COBL: variants seen among roughly 807,000 people sequenced by gnomAD.
The protein encoded by COBL is protein cordon-bleu.
A neutral mutation model predicts 98.8 loss-of-function variants in COBL; 51 were observed. That is an observed-to-expected ratio of 0.52 (90% CI 0.41 to 0.65). The LOEUF (loss-of-function observed/expected upper bound fraction) is 0.65, where lower values mean the gene tolerates loss of function less well. Among genes scored for constraint, COBL ranks in the 30% least tolerant of loss-of-function variants. The probability of loss-of-function intolerance (pLI) is 0.00; values close to 1 mark genes in which losing one functional copy is unlikely to be tolerated. For synonymous variants in COBL, 634 were observed against 651.7 expected (o/e 0.97, Z 0.41); for missense variants, 1,617 against 1,617.5 (o/e 1.00, Z 0.01).
intron 1 of COBL, among the ~76,000 whole-genome samples, chr7:51,244,098 C>A (rs1049350244): frequency 1.3e-5 from 2 of 152,202 alleles, no homozygotes; most frequent in African/African-American, 2.4e-5. Flanking sequence ...CTCTCCAGCA[C>A]AGTTTTCTGC....
At chr7:51,137,954 T>C (rs901824242) in intron 5 of COBL, among the ~76,000 whole-genome samples, 1 of 152,218 alleles carries the variant, frequency 6.6e-6, no homozygotes, top group Non-Finnish European at 1.5e-5. Flanking sequence ...CCCAGTATTA[T>C]TTGTGCTCAG....
chr7:51,044,131 C>T lies in COBL; in HGVS notation c.1097-439G>A, dbSNP rs552211735. Among the ~76,000 whole-genome samples the T allele has an allele frequency of 7.2e-5, 11 of 152,326 alleles. No individual in the cohort carries two copies. In the South Asian group the frequency reaches 2.3e-3, roughly 32 times the overall value. On this transcript the variant is annotated intron_variant, in intron 7 of 12. Transcript: ENST00000265136. ...GCAGACATAAGTATCAGTTTGGACACATCTGACGTGTATTTCATATTTGAA... is the reference window on the plus strand; with the variant it reads ...GCAGACATAAGTATCAGTTTGGACATATCTGACGTGTATTTCATATTTGAA...
intron 1 of COBL, among the ~76,000 whole-genome samples, chr7:51,256,813 A>G (rs1437901171): frequency 1.3e-5 from 2 of 152,224 alleles, no homozygotes; most frequent in Non-Finnish European, 2.9e-5. Flanking sequence ...TTACTCAAAA[A>G]TATTTCCTGT....
intron 1 of COBL, among the ~76,000 whole-genome samples, chr7:51,255,598 A>G (rs890449144): frequency 3.9e-5 from 6 of 152,180 alleles, no homozygotes; most frequent in Non-Finnish European, 8.8e-5. Context: ...AAAGAAGGGG[A>G]CTGAGCATAC....
At chr7:51,088,676 T>C (rs1213374957) in intron 6 of COBL, among the ~76,000 whole-genome samples, 1 of 152,194 alleles carries the variant, frequency 6.6e-6, no homozygotes, top group African/African-American at 2.4e-5. Context: ...TTGTTTATAA[T>C]ATGTATGTTT....
chr7:51,285,096 G>A (rs1167861588), intron 1 of COBL, among the ~76,000 whole-genome samples: 2 of 151,890 alleles, frequency 1.3e-5, no homozygotes, highest in African/African-American at 4.8e-5. Flanking sequence ...ACAGGAGCGT[G>A]CCAGCACACC....
At chr7:51,305,878 C>A (rs1289319266) in intron 1 of COBL, among the ~76,000 whole-genome samples, 1 of 151,892 alleles carries the variant, frequency 6.6e-6, no homozygotes, top group East Asian at 1.9e-4. Flanking sequence ...TACTAAAATA[C>A]AAAAAAAATT....
At chr7:51,206,466 T>C (rs11238434) in intron 2 of COBL, among the ~76,000 whole-genome samples, 58,978 of 145,428 alleles carry the variant, frequency 0.41, 14,656 homozygotes, top group Non-Finnish European at 0.56. Context: ...TATTCCAGCC[T>C]GGTTGACAGA....
chr7:51,240,019 A>T (rs116535610), intron 1 of COBL, among the ~76,000 whole-genome samples: 2,099 of 152,328 alleles, frequency 0.014, 60 homozygotes, highest in African/African-American at 0.048. Flanking sequence ...TATGGACACA[A>T]TTTTGAATCT....
intron 2 of COBL, among the ~76,000 whole-genome samples, chr7:51,217,159 C>A (rs1337113077): frequency 1.3e-5 from 2 of 152,146 alleles, no homozygotes; most frequent in Non-Finnish European, 2.9e-5. Context: ...CACTACATTA[C>A]AAAACTTCAT....
intron 9 of COBL, 139 bp downstream of exon 9, chr7:51,030,673 C>CT: frequency 1.6e-6 from 1 of 638,236 alleles, no homozygotes; most frequent in East Asian, 2.7e-5. Flanking sequence ...CACATCCAGA[C>CT]TTTCACCAAA....
intron 1 of COBL, among the ~76,000 whole-genome samples, chr7:51,256,643 G>A (rs552836997): frequency 6.6e-5 from 10 of 152,340 alleles, no homozygotes; most frequent in African/African-American, 2.4e-4. Flanking sequence ...CAAGCGTCAC[G>A]TGGTTTCACA....
intron 1 of COBL, among the ~76,000 whole-genome samples, chr7:51,276,678 G>A (rs1799340167): frequency 6.6e-6 from 1 of 152,214 alleles, no homozygotes. Context: ...GAGCTGGGGT[G>A]GCTGGGAGCT....
chr7:51,125,772 T>C (rs908449487), intron 6 of COBL, among the ~76,000 whole-genome samples: 2 of 152,216 alleles, frequency 1.3e-5, no homozygotes, highest in Non-Finnish European at 2.9e-5. Flanking sequence ...GAAATTTTTT[T>C]TCTATAGTCA....
intron 1 of COBL, among the ~76,000 whole-genome samples, chr7:51,249,064 A>T (rs1796507534): frequency 6.6e-6 from 1 of 152,228 alleles, no homozygotes; most frequent in Admixed American, 6.5e-5. Flanking sequence ...CCAAGTCTGC[A>T]TATATACCTA....
chr7:51,298,132 C>T (rs1469441878), intron 1 of COBL, among the ~76,000 whole-genome samples: 1 of 152,180 alleles, frequency 6.6e-6, no homozygotes, highest in African/African-American at 2.4e-5. Flanking sequence ...AAGTCAGCTG[C>T]CATTTTGTGA....
At chr7:51,133,828 G>A (rs1221392127) in intron 6 of COBL, among the ~76,000 whole-genome samples, 2 of 152,274 alleles carry the variant, frequency 1.3e-5, no homozygotes, top group Middle Eastern at 3.4e-3. Context: ...ACATAATCAG[G>A]TGACAAATAC....
At chr7:51,298,210 A>C (rs2129198533) in intron 1 of COBL, among the ~76,000 whole-genome samples, 1 of 152,330 alleles carries the variant, frequency 6.6e-6, no homozygotes, top group Non-Finnish European at 1.5e-5. Context: ...GTTGGCAAAA[A>C]CTGAGCCACT....
chr7:51,234,014 A>G (rs958836656), intron 1 of COBL, among the ~76,000 whole-genome samples: 3 of 152,278 alleles, frequency 2.0e-5, no homozygotes, highest in African/African-American at 4.8e-5. Flanking sequence ...ATTATTCTAC[A>G]CTGAAAGATA....
Sources: gnomAD v4.1 joint callset for allele counts (sites outside exome capture counted in the v4.1 genomes callset) on GRCh38, gnomAD v4.1.1 for gene constraint, MANE v1.5 for transcripts, NCBI Gene and HGNC (gene_info 2026-07-23, HGNC 2026-07-21) for gene names.